CXCL10: variants seen among roughly 807,000 people sequenced by gnomAD.
CXCL10 encodes C-X-C motif chemokine ligand 10.
CXCL10 carries 6 observed loss-of-function variants against 10.8 expected under a neutral mutation model. The ratio of observed to expected loss-of-function variants is 0.55; its 90% CI spans 0.30 to 1.09. The LOEUF (loss-of-function observed/expected upper bound fraction) is 1.09. CXCL10 is among the 50% of genes least tolerant of loss of function. The pLI is 0.06. For synonymous variants in CXCL10, 35 were observed against 35.8 expected, an observed-to-expected ratio of 0.98 and a Z score of 0.08; for missense variants, 114 against 114.3, an observed-to-expected ratio of 1.00 and a Z score of 0.01.
intron 2 of CXCL10, 72 bp from the exon 3 acceptor site, chr4:76,022,527 C>A: frequency 6.6e-7 from 1 of 1,507,626 alleles, no homozygotes; most frequent in Non-Finnish European, 9.1e-7. Flanking sequence ...ATACGCAGTT[C>A]TGAAGTCAGA....
rs1242105140 is a variant in CXCL10, at chr4:76,022,301, A to G, written c.278+65T>C. ...TTGCACAGCAAACCACAATGCAAGT[A>G]TTTCTGACTCCCAAGATTGCCGTTT... is the stretch of plus-strand genomic sequence containing the variant. On this transcript the variant is annotated intron_variant, in intron 3 of 3. Coordinates refer to ENST00000306602, the MANE Select transcript of CXCL10 (RefSeq NM_001565.4). The G allele has an allele frequency of 6.0e-6, 8 of 1,325,838 alleles. 1 individual carries two copies. The highest frequency in any genetic ancestry group is 2.3e-5 in the South Asian group (2 of 85,192). The allele number at this position is 1,325,838 out of a possible 1,614,324, so 82.1% of individuals were successfully genotyped here.
Position 76,023,370 on chromosome 4 carries a change from C to A in CXCL10, c.61+1G>T. The A allele has an allele frequency of 6.2e-7, 1 of 1,610,244 alleles. No homozygotes were observed. Among genetic ancestry groups the A allele is most frequent in the South Asian group, 1.1e-5 (1 of 90,954 alleles). On this transcript the variant is annotated splice_donor_variant, in intron 1 of 3. Transcript: ENST00000306602. LOFTEE classifies it high-confidence loss of function. Reference sequence around the variant, plus strand: ...ATTAAGTATCCTTTGATGTTCCTTACCTTGAATGCCACTTAGAGTCAGAAA... The same window carrying A: ...ATTAAGTATCCTTTGATGTTCCTTAACTTGAATGCCACTTAGAGTCAGAAA...
chr4:76,023,471 T>C lies in CXCL10; in HGVS notation c.-40A>G. On this transcript the variant is annotated 5_prime_UTR_variant, in exon 1 of 4. The change creates a new upstream start codon in the 5' untranslated region. Coordinates refer to ENST00000306602, the MANE Select transcript of CXCL10 (RefSeq NM_001565.4). ...AGGTTCCTCTGCTGTAGGCTCAGAA[T>C]ATGTCTAAGCAATTGAGGAATGTCT... 6.4e-7 allele frequency: 1 copy of C among 1,568,742 alleles called. No individual in the cohort carries two copies. The highest frequency in any genetic ancestry group is 1.1e-5 in the South Asian group (1 of 90,142).
Position 76,023,457 on chromosome 4 carries a change from C to T in CXCL10, c.-26G>A. 1 of 1,606,262 alleles carries T rather than the reference C, an allele frequency of 6.2e-7. No homozygotes were observed. ...GGTGCTGAGACTGGAGGTTCCTCTG[C>T]TGTAGGCTCAGAATATGTCTAAGCA... On this transcript the variant is annotated 5_prime_UTR_variant, in exon 1 of 4. Transcript: ENST00000306602.
chr4:76,022,936 T>C, intron 1 of CXCL10, 119 bp from the exon 2 acceptor site: 1 of 954,882 alleles, frequency 1.0e-6, no homozygotes, highest in Non-Finnish European at 1.6e-6. Context: ...TCACTTAATC[T>C]GAGGAGGAAT....
At chr4:76,022,572 G>C in intron 2 of CXCL10, 117 bp from the exon 3 acceptor site, 1 of 1,474,076 alleles carries the variant, frequency 6.8e-7, no homozygotes, top group South Asian at 1.2e-5. Context: ...TTTGTTTGCT[G>C]TACATTAGTT....
At chr4:76,022,274 G>T in intron 3 of CXCL10, 92 bp downstream of exon 3, 1 of 1,038,182 alleles carries the variant, frequency 9.6e-7, no homozygotes, top group South Asian at 1.3e-5. Flanking sequence ...TTAAACCAGC[G>T]ATTGCACAGC....
intron 2 of CXCL10, 36 bp from the exon 3 acceptor site, chr4:76,022,491 T>C (rs1181763842): frequency 2.5e-6 from 4 of 1,587,950 alleles, no homozygotes; most frequent in Non-Finnish European, 1.7e-6. Flanking sequence ...TATTTAAAAC[T>C]GTGTTGGGTC....
chr4:76,021,993 T>C, intron 3 of CXCL10, 45 bp from the exon 4 acceptor site: 1 of 1,537,466 alleles, frequency 6.5e-7, no homozygotes, highest in Non-Finnish European at 9.0e-7. Flanking sequence ...AGTCTGACTC[T>C]GGCTTCAGAT....
At chr4:76,022,904 A>T (rs1265544726) in intron 1 of CXCL10, 87 bp from the exon 2 acceptor site, 6 of 1,330,752 alleles carry the variant, frequency 4.5e-6, no homozygotes, top group Non-Finnish European at 6.2e-6. Flanking sequence ...AGCAGAACCT[A>T]TATCCCCATA....
intron 3 of CXCL10, 40 bp downstream of exon 3, chr4:76,022,326 T>C: frequency 6.5e-7 from 1 of 1,528,320 alleles, no homozygotes; most frequent in Non-Finnish European, 9.1e-7. Flanking sequence ...GATTGCCGTT[T>C]CCTAAAGAGC....
At chr4:76,022,628 A>C in intron 2 of CXCL10, 63 bp downstream of exon 2, 1 of 1,531,180 alleles carries the variant, frequency 6.5e-7, no homozygotes, top group South Asian at 1.2e-5. Flanking sequence ...TATTATCATT[A>C]CATATTTAAT....
chr4:76,022,237 A>C, intron 3 of CXCL10, 129 bp downstream of exon 3: 3 of 754,556 alleles, frequency 4.0e-6, no homozygotes, highest in South Asian at 3.2e-5. Context: ...AAATGGAGGT[A>C]GGGGAGGGCG....
chr4:76,023,260 T>C, intron 1 of CXCL10, 111 bp downstream of exon 1: 3 of 804,768 alleles, frequency 3.7e-6, no homozygotes, highest in Non-Finnish European at 6.2e-6. Flanking sequence ...TTCCCTCTTA[T>C]TTATAAGCAT....
chr4:76,022,934 T>A, intron 1 of CXCL10, 117 bp from the exon 2 acceptor site: 1 of 1,012,710 alleles, frequency 9.9e-7, no homozygotes, highest in South Asian at 1.6e-5. Context: ...AGTCACTTAA[T>A]CTGAGGAGGA....
chr4:76,021,877 C>T lies in CXCL10; in HGVS notation c.*53G>A. The T allele has an allele frequency of 6.4e-7, 1 of 1,554,254 alleles. No homozygotes were observed. The highest frequency in any genetic ancestry group is 1.4e-5 in the African/African-American group (1 of 73,580). On this transcript the variant is annotated 3_prime_UTR_variant, in exon 4 of 4. Transcript: ENST00000306602. ...GTAGGGAAGTGATGGGAGAGGCAGC[C>T]TCTGTGTGGTCCATCCTTGGAAGCA...
Position 76,021,247 on chromosome 4 carries a change from G to A in CXCL10, c.*683C>T, listed in dbSNP as rs1191183998. 2.0e-5 allele frequency: 3 copies of A among 152,226 alleles called. No individual in the cohort carries two copies. Among genetic ancestry groups the A allele is most frequent in the Admixed American group, 6.5e-5 (1 of 15,294 alleles). The allele number at this position is 152,226 out of a possible 1,614,324, so 9.4% of individuals were successfully genotyped here. On this transcript the variant is annotated 3_prime_UTR_variant, in exon 4 of 4. Coordinates refer to ENST00000306602, the MANE Select transcript of CXCL10 (RefSeq NM_001565.4). ...ACATTTATCTTATGTAACATGCAGA[G>A]CATATATCTATCTGTATTTTTAAAA...
At position 76,023,491 on chromosome 4, in the gene CXCL10, A is replaced by G. The variant is rs1733082390; in HGVS notation, c.-60T>C. The stretch of plus-strand genomic sequence containing the variant: ...CAGAATATGTCTAAGCAATTGAGGA[A>G]TGTCTCAGAAAACGTGGGGCTAGTG... On this transcript the variant is annotated 5_prime_UTR_variant, in exon 1 of 4. Transcript: ENST00000306602. 40 of 1,482,018 alleles carry G rather than the reference A, an allele frequency of 2.7e-5. No homozygotes were observed. The highest frequency in any genetic ancestry group is 3.8e-5 in the Non-Finnish European group (40 of 1,059,956). 91.8% of individuals were successfully genotyped at this position (1,482,018 alleles called of 1,614,324 possible).
chr4:76,022,253 G>T, intron 3 of CXCL10, 113 bp downstream of exon 3: 1 of 854,286 alleles, frequency 1.2e-6, no homozygotes, highest in Non-Finnish European at 2.0e-6. Flanking sequence ...GGGCGTGGTG[G>T]TAACATACTT....
Sources: gnomAD v4.1 joint callset for allele counts on GRCh38, gnomAD v4.1.1 for gene constraint, MANE v1.5 for transcripts, NCBI Gene and HGNC (gene_info 2026-07-23, HGNC 2026-07-21) for gene names.